DCAF4L1: variants seen among roughly 807,000 people sequenced by gnomAD.
The protein encoded by DCAF4L1 is DDB1- and CUL4-associated factor 4-like protein 1.
A neutral mutation model predicts 28.2 loss-of-function variants in DCAF4L1; 4 were observed. That is an observed-to-expected ratio of 0.14 (90% CI 0.07 to 0.33). DCAF4L1 has a LOEUF of 0.33. Among genes scored for constraint, DCAF4L1 ranks in the 10% least tolerant of loss-of-function variants. The probability of loss-of-function intolerance (pLI) is 1.00; values close to 1 mark genes in which losing one functional copy is unlikely to be tolerated. For missense variants in DCAF4L1, 331 were observed against 506.1 expected (o/e 0.65, Z 3.32); for synonymous variants, 252 against 212.1 (o/e 1.19, Z -1.63).
chr4:41,981,906 C>T lies in DCAF4L1; in HGVS notation c.114C>T (p.Asn38=), dbSNP rs560376330. Residue 38 remains asparagine, a synonymous_variant, in exon 1 of 1, where the codon AAC becomes AAT. Transcript: ENST00000333141. ...GAAAAAGCCAGCTAGGTTTCCTCAA[C>T]GTCACCAGTTACTCCCGTTTAGCCA... is the stretch of plus-strand genomic sequence containing the variant. ...MLRKSQLGFL[N]VTSYSRLANE... 4.0e-5 allele frequency: 64 copies of T among 1,614,238 alleles called. No individual in the cohort carries two copies. The highest frequency in any genetic ancestry group is 3.7e-4 in the Admixed American group (22 of 60,034).
Position 41,984,093 on chromosome 4 carries a change from A to T in DCAF4L1, c.*1110A>T, listed in dbSNP as rs1714076378. The stretch of plus-strand genomic sequence containing the variant: ...GAGTAGTACGTACCTCTGTAGAAAG[A>T]AAGGATTTTTTTTTCTTTTTCTTTT... On this transcript the variant is annotated 3_prime_UTR_variant, in exon 1 of 1. Transcript: ENST00000333141. The T allele has an allele frequency of 6.1e-6, 1 of 163,574 alleles. No homozygotes were observed. The highest frequency in any genetic ancestry group is 2.4e-5 in the African/African-American group (1 of 41,470). The allele number at this position is 163,574 out of a possible 1,614,324, so 10.1% of individuals were successfully genotyped here. A position where few individuals can be genotyped will look rare whatever the true frequency, so the allele number is the denominator to read the frequency against.
chr4:41,982,785 A>G lies in DCAF4L1; in HGVS notation c.993A>G (p.Ala331=), dbSNP rs932847400. 1 of 1,614,046 alleles carries G rather than the reference A, an allele frequency of 6.2e-7. No individual in the cohort carries two copies. Among genetic ancestry groups the G allele is most frequent in the African/African-American group, 1.3e-5 (1 of 74,922 alleles). The change falls in exon 1 of 1, where the codon GCA becomes GCG. Residue 331 remains alanine (A), a synonymous_variant. Transcript: ENST00000333141. The surrounding 1 kb of genome is among the most constrained non-coding windows in gnomAD (Gnocchi z 4.4). ...HVHEEEGIVV[A]VGQDCYTRIW... The stretch of plus-strand genomic sequence containing the variant: ...ACGAGGAAGAGGGAATCGTGGTGGC[A>G]GTGGGCCAGGACTGCTACACGAGAA...
Position 41,983,006 on chromosome 4 carries a change from G to A in DCAF4L1, c.*23G>A, listed in dbSNP as rs901698906. ...TAATTCTGCAGGTGGCAGCGCGGCC[G>A]AATGTGGATTTGACTTAAGGAAGTT... On this transcript the variant is annotated 3_prime_UTR_variant, in exon 1 of 1. Coordinates refer to ENST00000333141, the MANE Select transcript of DCAF4L1 (RefSeq NM_001029955.4). 7 of 1,565,482 alleles carry A rather than the reference G, an allele frequency of 4.5e-6. No individual in the cohort carries two copies. The highest frequency in any genetic ancestry group is 4.1e-5 in the African/African-American group (3 of 73,434).
At position 41,981,812 on chromosome 4, in the gene DCAF4L1, G is replaced by A; in HGVS notation, c.20G>A (p.Arg7Gln). Residue 7 changes from arginine (R) to glutamine (Q), a missense_variant, in exon 1 of 1, where the codon CGA (arginine) becomes CAA (glutamine). Physicochemically the swap from Arg to Gln is conservative, Grantham distance 43. Transcript: ENST00000333141. ...GAGGAAATGGAGGCTGAAAGGCTGC[G>A]ACTCCTCGAGGAAGAGGCCAAGCTG... MEAERL[R>Q]LLEEEAKLKK... 3 of 1,614,048 alleles carry A rather than the reference G, an allele frequency of 1.9e-6. No homozygotes were observed. Among genetic ancestry groups the A allele is most frequent in the South Asian group, 1.1e-5 (1 of 91,076 alleles).
rs1714024089 is a variant in DCAF4L1 at position 41,982,627 on chromosome 4, C to G, written c.835C>G (p.Leu279Val). 1 of 1,614,228 alleles carries G rather than the reference C, an allele frequency of 6.2e-7. No homozygotes were observed. The highest frequency in any genetic ancestry group is 8.5e-7 in the Non-Finnish European group (1 of 1,180,040). ...HDSAVTSVQI[L>V]QEEQCLMASD... Reference sequence around the variant, plus strand: ...CTCAGCAGTGACCTCTGTGCAAATCCTCCAAGAAGAGCAATGCCTGATGGC... The same window carrying G: ...CTCAGCAGTGACCTCTGTGCAAATCGTCCAAGAAGAGCAATGCCTGATGGC... The change falls in exon 1 of 1, where the codon CTC (leucine) becomes GTC (valine). Residue 279 changes from leucine (L) to valine (V), a missense_variant. Leu to Val is a conservative substitution (Grantham distance 32, BLOSUM62 1). Transcript: ENST00000333141. The surrounding 1 kb of genome is among the most constrained non-coding windows in gnomAD (Gnocchi z 4.4).
At position 41,982,831 on chromosome 4, in the gene DCAF4L1, C is replaced by T. The variant is rs1199694761; in HGVS notation, c.1039C>T (p.His347Tyr). The T allele has an allele frequency of 6.2e-7, 1 of 1,614,194 alleles. No individual in the cohort carries two copies. The highest frequency in any genetic ancestry group is 1.7e-5 in the Admixed American group (1 of 60,026). ...GAGAATCTGGAGCCTCCATGATGCCCACCTGCTCAGAACCATCCCTTCCCC... is the reference window on the plus strand; with the variant it reads ...GAGAATCTGGAGCCTCCATGATGCCTACCTGCTCAGAACCATCCCTTCCCC... ...YTRIWSLHDA[H>Y]LLRTIPSPYS... The change falls in exon 1 of 1, where the codon CAC becomes TAC. Residue 347 changes from histidine (H) to tyrosine (Y), a missense_variant. Transcript: ENST00000333141. The surrounding 1 kb of genome is among the most constrained non-coding windows in gnomAD (Gnocchi z 4.4).
Position 41,986,315 on chromosome 4 carries a change from G to C in DCAF4L1, c.*3332G>C, listed in dbSNP as rs1714155514. The stretch of plus-strand genomic sequence containing the variant: ...GTTTTAGATCACAGGGTCGTTCTCA[G>C]GATATGGTTGTTACTGCTGTCAGGT... On this transcript the variant is annotated 3_prime_UTR_variant, in exon 1 of 1. Coordinates refer to ENST00000333141, the MANE Select transcript of DCAF4L1 (RefSeq NM_001029955.4). 1 of 167,084 alleles carries C rather than the reference G, an allele frequency of 6.0e-6. No individual in the cohort carries two copies. Among genetic ancestry groups the C allele is most frequent in the Non-Finnish European group, 1.5e-5 (1 of 68,136 alleles). The allele number at this position is 167,084 out of a possible 1,614,324, so 10.4% of individuals were successfully genotyped here. A position where few individuals can be genotyped will look rare whatever the true frequency, so the allele number is the denominator to read the frequency against.
rs1296568183 is a variant in DCAF4L1, at chr4:41,985,807, C to T, written c.*2824C>T. On this transcript the variant is annotated 3_prime_UTR_variant, in exon 1 of 1. Transcript: ENST00000333141. The stretch of plus-strand genomic sequence containing the variant: ...GAGCACATATTGTACAACTAATGCA[C>T]ATAAAGTCCCTAAACAGGCAAAATG... 1 of 167,062 alleles carries T rather than the reference C, an allele frequency of 6.0e-6. No homozygotes were observed. The highest frequency in any genetic ancestry group is 1.5e-5 in the Non-Finnish European group (1 of 68,112). The allele number at this position is 167,062 out of a possible 1,614,324, so 10.3% of individuals were successfully genotyped here.
In DCAF4L1 at chr4:41,982,169, A is replaced by G; in HGVS notation, c.377A>G (p.Lys126Arg). The change falls in exon 1 of 1, where the codon AAG becomes AGG. Residue 126 changes from lysine to arginine, a missense_variant. Physicochemically the swap from Lys to Arg is conservative, Grantham distance 26. Transcript: ENST00000333141. This position sits in a 1 kb window ranked among gnomAD's most constrained non-coding sequence, Gnocchi z 4.4. ...VLRNLYVPNR[K>R]VKSLCWASLN... ...AGAAACCTCTACGTCCCCAACCGGA[A>G]GGTGAAGTCCCTGTGCTGGGCCTCG... The G allele has an allele frequency of 6.2e-7, 1 of 1,614,198 alleles. No individual in the cohort carries two copies. Among genetic ancestry groups the G allele is most frequent in the Non-Finnish European group, 8.5e-7 (1 of 1,180,036 alleles).
In DCAF4L1 at chr4:41,984,602, GA is replaced by G. The variant is rs993078342; in HGVS notation, c.*1625del. On this transcript the variant is annotated 3_prime_UTR_variant, in exon 1 of 1. Transcript: ENST00000333141. ...TTTACTAACCTGGGGAGGATGAGGA[GA>G]AAAAACTTTAGGTGAAGGGAATGAT... is the stretch of plus-strand genomic sequence containing the variant. 2.4e-5 allele frequency: 4 copies of G among 166,912 alleles called. No individual in the cohort carries two copies. The South Asian group carries it at 6.2e-4, about 26-fold the overall frequency. The allele number at this position is 166,912 out of a possible 1,614,324, so 10.3% of individuals were successfully genotyped here.
At position 41,983,255 on chromosome 4, in the gene DCAF4L1, C is replaced by CA; in HGVS notation, c.*272_*273insA. 4.5e-6 allele frequency: 1 copy of CA among 223,626 alleles called. No homozygotes were observed. Among genetic ancestry groups the CA allele is most frequent in the Admixed American group, 5.4e-5 (1 of 18,592 alleles). 13.9% of individuals were successfully genotyped at this position (223,626 alleles called of 1,614,324 possible). ...AGAACAGTTAACCACCTCCCCAACCCTTTTTTTTTTTAAATAATTAAGACT... is the reference window on the plus strand; with the variant it reads ...AGAACAGTTAACCACCTCCCCAACCCATTTTTTTTTTTAAATAATTAAGACT... On this transcript the variant is annotated 3_prime_UTR_variant, in exon 1 of 1. Transcript: ENST00000333141.
Position 41,982,166 on chromosome 4 carries a change from G to A in DCAF4L1, c.374G>A (p.Arg125Gln), listed in dbSNP as rs1480842979. The A allele has an allele frequency of 1.1e-5, 18 of 1,614,084 alleles. No individual in the cohort carries two copies. Among genetic ancestry groups the A allele is most frequent in the Non-Finnish European group, 1.4e-5 (17 of 1,180,056 alleles). ...CTCAGAAACCTCTACGTCCCCAACC[G>A]GAAGGTGAAGTCCCTGTGCTGGGCC... ...YVLRNLYVPN[R>Q]KVKSLCWASL... is the part of the protein sequence containing the mutation. The change falls in exon 1 of 1, where the codon CGG becomes CAG. Residue 125 changes from arginine to glutamine, a missense_variant. Coordinates refer to ENST00000333141, the MANE Select transcript of DCAF4L1 (RefSeq NM_001029955.4). This position sits in a 1 kb window ranked among gnomAD's most constrained non-coding sequence, Gnocchi z 4.4.
In DCAF4L1 at chr4:41,982,398, A is replaced by C. The variant is rs777564698; in HGVS notation, c.606A>C (p.Ala202=). 10 of 1,614,110 alleles carry C rather than the reference A, an allele frequency of 6.2e-6. No homozygotes were observed. In the East Asian group the frequency reaches 1.1e-4, roughly 18 times the overall value. Residue 202 remains alanine, a synonymous_variant, in exon 1 of 1, where the codon GCA becomes GCC. Coordinates refer to ENST00000333141, the MANE Select transcript of DCAF4L1 (RefSeq NM_001029955.4). The surrounding 1 kb of genome is among the most constrained non-coding windows in gnomAD (Gnocchi z 4.4). ...LNTRAYHCFS[A]GLSQQVLLTS... Reference sequence around the variant, plus strand: ...CCCGGGCATATCACTGCTTTAGTGCAGGCTTGTCTCAGCAGGTCCTGTTGA... The same window carrying C: ...CCCGGGCATATCACTGCTTTAGTGCCGGCTTGTCTCAGCAGGTCCTGTTGA...
Position 41,985,729 on chromosome 4 carries a change from CTATGGACAAATCCTGCAAACA to C in DCAF4L1, c.*2749_*2769del, listed in dbSNP as rs1174624174. The stretch of plus-strand genomic sequence containing the variant: ...TTTTGCAGTGAGAATGAGCATAGCA[CTATGGACAAATCCTGCAAACA>C]TAATGTTGAAATAAAGATGCCAAAC... On this transcript the variant is annotated 3_prime_UTR_variant, in exon 1 of 1. Transcript: ENST00000333141. 4.2e-5 allele frequency: 7 copies of C among 167,036 alleles called. No individual in the cohort carries two copies. In the East Asian group the frequency reaches 1.3e-3, roughly 32 times the overall value. The allele number at this position is 167,036 out of a possible 1,614,324, so 10.3% of individuals were successfully genotyped here.
chr4:41,982,674 C>A lies in DCAF4L1; in HGVS notation c.882C>A (p.Ile294=). 1 of 1,614,230 alleles carries A rather than the reference C, an allele frequency of 6.2e-7. No individual in the cohort carries two copies. The highest frequency in any genetic ancestry group is 1.3e-5 in the African/African-American group (1 of 75,054). The change falls in exon 1 of 1, where the codon ATC becomes ATA. Residue 294 remains isoleucine (I), a synonymous_variant. Coordinates refer to ENST00000333141, the MANE Select transcript of DCAF4L1 (RefSeq NM_001029955.4). The surrounding 1 kb of genome is among the most constrained non-coding windows in gnomAD (Gnocchi z 4.4). Reference sequence around the variant, plus strand: ...TGGCATCAGACATGACTGGAAAGATCAAGCTGTGGGATCTGAGGGCCACTA... The same window carrying A: ...TGGCATCAGACATGACTGGAAAGATAAAGCTGTGGGATCTGAGGGCCACTA... The part of the protein sequence containing the change: ...CLMASDMTGK[I]KLWDLRATKC...
rs1455948486 is a variant in DCAF4L1 at position 41,985,117 on chromosome 4, T to C, written c.*2134T>C. On this transcript the variant is annotated 3_prime_UTR_variant, in exon 1 of 1. Transcript: ENST00000333141. ...CTGCAGACATATATATGTATATATA[T>C]ATATGTCTGATACTGATATGTCATT... is the stretch of plus-strand genomic sequence containing the variant. 1 of 166,798 alleles carries C rather than the reference T, an allele frequency of 6.0e-6. No individual in the cohort carries two copies. Among genetic ancestry groups the C allele is most frequent in the Non-Finnish European group, 1.5e-5 (1 of 68,082 alleles). The allele number at this position is 166,798 out of a possible 1,614,324, so 10.3% of individuals were successfully genotyped here.
Position 41,982,257 on chromosome 4 carries a change from T to C in DCAF4L1, c.465T>C (p.Cys155=), listed in dbSNP as rs1714007102. The change falls in exon 1 of 1, where the codon TGT becomes TGC. Residue 155 remains cysteine (C), a synonymous_variant. Coordinates refer to ENST00000333141, the MANE Select transcript of DCAF4L1 (RefSeq NM_001029955.4). The surrounding 1 kb of genome is among the most constrained non-coding windows in gnomAD (Gnocchi z 4.4). ...CFEGITDAPS[C]AVLLPASRFL... is the part of the protein sequence containing the mutation. ...AGGGAATCACAGATGCTCCAAGCTG[T>C]GCAGTGCTGCTCCCAGCGTCGCGGT... 2 of 1,614,112 alleles carry C rather than the reference T, an allele frequency of 1.2e-6. No homozygotes were observed. The highest frequency in any genetic ancestry group is 2.7e-5 in the African/African-American group (2 of 74,938).
chr4:41,981,798 G>A lies in DCAF4L1; in HGVS notation c.6G>A (p.Glu2=). The A allele has an allele frequency of 1.2e-6, 2 of 1,613,658 alleles. No individual in the cohort carries two copies. The highest frequency in any genetic ancestry group is 1.7e-6 in the Non-Finnish European group (2 of 1,179,650). The change falls in exon 1 of 1, where the codon GAG becomes GAA. Residue 2 remains glutamate, a synonymous_variant. Coordinates refer to ENST00000333141, the MANE Select transcript of DCAF4L1 (RefSeq NM_001029955.4). M[E]AERLRLLEEE... is the part of the protein sequence containing the mutation. Reference sequence around the variant, plus strand: ...GGAACATTCCGCAGGAGGAAATGGAGGCTGAAAGGCTGCGACTCCTCGAGG... The same window carrying A: ...GGAACATTCCGCAGGAGGAAATGGAAGCTGAAAGGCTGCGACTCCTCGAGG...
rs1714117162 is a variant in DCAF4L1 at position 41,985,246 on chromosome 4, T to C, written c.*2263T>C. On this transcript the variant is annotated 3_prime_UTR_variant, in exon 1 of 1. Transcript: ENST00000333141. ...AAAAAATCAGTAAGAAAAACACACCTAAAAGAAAGGGAGGCAATAGTCTTG... is the reference window on the plus strand; with the variant it reads ...AAAAAATCAGTAAGAAAAACACACCCAAAAGAAAGGGAGGCAATAGTCTTG... The C allele has an allele frequency of 6.0e-6, 1 of 166,638 alleles. No homozygotes were observed. Among genetic ancestry groups the C allele is most frequent in the South Asian group, 2.1e-4 (1 of 4,802 alleles). The allele number at this position is 166,638 out of a possible 1,614,324, so 10.3% of individuals were successfully genotyped here.
Sources: gnomAD v4.1 joint callset for allele counts on GRCh38, gnomAD v4.1.1 for gene constraint, Gnocchi (gnomAD v3.1) non-coding constraint, MANE v1.5 for transcripts, NCBI Gene and HGNC (gene_info 2026-07-23, HGNC 2026-07-21) for gene names.